Variants in TTC29 observed in about 807,000 individuals in gnomAD.
The protein encoded by TTC29 is tetratricopeptide repeat protein 29.
A neutral mutation model predicts 58.1 loss-of-function variants in TTC29; 49 were observed. The observed-to-expected ratio is 0.84, with a 90% confidence interval of 0.67 to 1.07. TTC29 has a LOEUF of 1.07. Among genes scored for constraint, TTC29 ranks in the 50% least tolerant of loss-of-function variants. The pLI, the probability that TTC29 is intolerant of heterozygous loss-of-function variation, is 0.00. For missense variants in TTC29, 582 were observed against 555.6 expected (o/e 1.05, Z -0.48); for synonymous variants, 209 against 196.8 (o/e 1.06, Z -0.52).
chr4:146,787,829 C>A (rs1237417520), intron 11 of TTC29, among the ~76,000 whole-genome samples: 2 of 151,836 alleles, frequency 1.3e-5, no homozygotes, highest in African/African-American at 4.8e-5. Flanking sequence ...AATTAGCCAA[C>A]AATTGCTGTG....
intron 6 of TTC29, among the ~76,000 whole-genome samples, chr4:146,886,045 G>C (rs1179226272): frequency 6.6e-6 from 1 of 152,026 alleles, no homozygotes; most frequent in Non-Finnish European, 1.5e-5. Flanking sequence ...TACATTAAAA[G>C]TTACTAAATC....
At chr4:146,929,262 C>CA (rs934267940) in intron 4 of TTC29, among the ~76,000 whole-genome samples, 2 of 151,942 alleles carry the variant, frequency 1.3e-5, no homozygotes, top group Admixed American at 6.6e-5. Context: ...GTAAGGTCAA[C>CA]AAAAAAATGC....
At chr4:146,854,561 C>T (rs747165534) in intron 8 of TTC29, among the ~76,000 whole-genome samples, 24 of 152,114 alleles carry the variant, frequency 1.6e-4, no homozygotes, top group African/African-American at 5.3e-4. Flanking sequence ...CTTCATCCTC[C>T]GTCCTCACTC....
At chr4:146,862,377 A>T (rs1202000899) in intron 8 of TTC29, among the ~76,000 whole-genome samples, 7 of 152,112 alleles carry the variant, frequency 4.6e-5, no homozygotes, top group African/African-American at 1.7e-4. Context: ...AAGACCCTGC[A>T]GATAGGAAGA....
chr4:146,759,546 T>G (rs1450513349), intron 11 of TTC29, among the ~76,000 whole-genome samples: 1 of 151,972 alleles, frequency 6.6e-6, no homozygotes, highest in East Asian at 1.9e-4. Context: ...ACAAAATATT[T>G]GCTAACTGAA....
intron 5 of TTC29, among the ~76,000 whole-genome samples, chr4:146,907,564 T>A (rs1733604370): frequency 6.6e-6 from 1 of 152,214 alleles, no homozygotes; most frequent in Admixed American, 6.5e-5. Context: ...AATGGAGCAA[T>A]CTCAGCTCAC....
intron 8 of TTC29, among the ~76,000 whole-genome samples, chr4:146,862,713 G>A (rs1347343003): frequency 6.6e-6 from 1 of 152,140 alleles, no homozygotes; most frequent in Non-Finnish European, 1.5e-5. Context: ...GAAAGTCCCA[G>A]GCTTTTCCCA....
At chr4:146,906,172 A>G (rs1480285671) in intron 5 of TTC29, among the ~76,000 whole-genome samples, 1 of 152,222 alleles carries the variant, frequency 6.6e-6, no homozygotes, top group Non-Finnish European at 1.5e-5. Flanking sequence ...TTAAAAAAAA[A>G]AAGTATCAGG....
intron 8 of TTC29, among the ~76,000 whole-genome samples, chr4:146,861,238 C>G (rs553559001): frequency 6.6e-6 from 1 of 152,272 alleles, no homozygotes; most frequent in East Asian, 1.9e-4. Flanking sequence ...CAATTTTGCA[C>G]AAGACCTTAG....
intron 4 of TTC29, among the ~76,000 whole-genome samples, chr4:146,936,992 CTAAG>C (rs1173094463): frequency 6.6e-6 from 1 of 151,988 alleles, no homozygotes; most frequent in Non-Finnish European, 1.5e-5. Flanking sequence ...AGCTATTATT[CTAAG>C]TTTCTATTCA....
At chr4:146,863,452 A>G (rs1730374429) in intron 8 of TTC29, among the ~76,000 whole-genome samples, 1 of 152,184 alleles carries the variant, frequency 6.6e-6, no homozygotes, top group Non-Finnish European at 1.5e-5. Context: ...GAAAACATAC[A>G]AATTTATAGA....
chr4:146,902,714 C>A (rs554727087), intron 6 of TTC29, among the ~76,000 whole-genome samples: 187 of 152,256 alleles, frequency 1.2e-3, no homozygotes, highest in African/African-American at 4.3e-3. Flanking sequence ...ATGTCTAGCA[C>A]GCATGGTGGC....
intron 4 of TTC29, among the ~76,000 whole-genome samples, chr4:146,929,047 G>A (rs73852791): frequency 0.075 from 11,399 of 151,988 alleles, 1,457 homozygotes; most frequent in African/African-American, 0.26. Flanking sequence ...AAGAGTTTTG[G>A]AAGATACTCT....
chr4:146,821,167 T>C (rs2150141284), intron 9 of TTC29, among the ~76,000 whole-genome samples: 1 of 152,032 alleles, frequency 6.6e-6, no homozygotes, highest in East Asian at 1.9e-4. Context: ...GGCAAATCCA[T>C]GAGATGGAAA....
chr4:146,930,114 T>C (rs1226604734), intron 4 of TTC29, among the ~76,000 whole-genome samples: 2 of 135,788 alleles, frequency 1.5e-5, no homozygotes, highest in African/African-American at 5.4e-5. Flanking sequence ...TATATATATA[T>C]ATATACACAC....
chr4:146,861,743 T>C (rs1402321494), intron 8 of TTC29, among the ~76,000 whole-genome samples: 1 of 152,074 alleles, frequency 6.6e-6, no homozygotes, highest in Non-Finnish European at 1.5e-5. Context: ...AGAACTATTA[T>C]TGATTGGGAA....
rs191709332 is a variant in TTC29, at chr4:146,907,810, T to C, written c.400+1216A>G. Among the ~76,000 whole-genome samples, 19 of 152,144 alleles carry C rather than the reference T, an allele frequency of 1.2e-4. No homozygotes were observed. The East Asian group carries it at 3.7e-3, about 29-fold the overall frequency. ...CCACCGCGCCCAGCCAAAATGGAGG[T>C]TTTTTATAATAGCACTTTTTATTTA... is the stretch of plus-strand genomic sequence containing the variant. On this transcript the variant is annotated intron_variant, in intron 5 of 12. Coordinates refer to ENST00000325106, the MANE Select transcript of TTC29 (RefSeq NM_031956.4).
intron 4 of TTC29, among the ~76,000 whole-genome samples, chr4:146,917,711 A>T (rs1398355754): frequency 8.3e-6 from 1 of 119,946 alleles, no homozygotes; most frequent in East Asian, 2.4e-4. Flanking sequence ...AAATTATATG[A>T]TACACAATTT....
chr4:146,742,588 C>T (rs1351177363), intron 11 of TTC29, among the ~76,000 whole-genome samples: 2 of 7,778 alleles, frequency 2.6e-4, no homozygotes, highest in African/African-American at 3.3e-4. Context: ...TTCCTTCCTT[C>T]CCTCCCTTCC....
Sources: gnomAD v4.1 joint callset for allele counts (sites outside exome capture counted in the v4.1 genomes callset) on GRCh38, gnomAD v4.1.1 for gene constraint, MANE v1.5 for transcripts, NCBI Gene and HGNC (gene_info 2026-07-23, HGNC 2026-07-21) for gene names.